Variants in ATXN7 observed in about 807,000 individuals in gnomAD.
The protein encoded by ATXN7 is ataxin 7, also known as ataxin-7.
Under a neutral mutation model 70.5 loss-of-function variants are expected in ATXN7, and 12 were observed. The observed-to-expected ratio is 0.17, with a 90% CI of 0.11 to 0.28. ATXN7 has a LOEUF of 0.28. Ranked by LOEUF, ATXN7 falls within the 10% of genes least tolerant of loss-of-function variation. The pLI is 1.00. For missense variants in ATXN7, 1,256 were observed against 1,131.7 expected (o/e 1.11, Z -1.58); for synonymous variants, 498 against 448.7 (o/e 1.11, Z -1.39).
chr3:63,950,507 A>G (rs2074935733), intron 4 of ATXN7, among the ~76,000 whole-genome samples: 2 of 152,202 alleles, frequency 1.3e-5, no homozygotes, highest in Non-Finnish European at 2.9e-5. Context: ...TTCATTTGAT[A>G]TCTATCTCAC....
intron 5 of ATXN7, among the ~76,000 whole-genome samples, chr3:63,979,130 A>C (rs141299615): frequency 6.6e-6 from 1 of 152,252 alleles, no homozygotes; most frequent in Non-Finnish European, 1.5e-5. Flanking sequence ...ACCTTACTCT[A>C]AGAAAACCTG....
intron 1 of ATXN7, among the ~76,000 whole-genome samples, chr3:63,876,771 G>A (rs1275868547): frequency 2.0e-5 from 3 of 152,160 alleles, no homozygotes; most frequent in Non-Finnish European, 4.4e-5. Flanking sequence ...GTATTAATCA[G>A]CTGTAGACTG....
chr3:63,977,300 GA>G (rs1270034540), intron 5 of ATXN7, among the ~76,000 whole-genome samples: 8 of 152,184 alleles, frequency 5.3e-5, no homozygotes, highest in Non-Finnish European at 1.0e-4. Flanking sequence ...CTTCATAGCA[GA>G]ACTGAGGGTA....
At chr3:63,994,558 C>T (rs771293076) in intron 11 of ATXN7, among the ~76,000 whole-genome samples, 4 of 152,158 alleles carry the variant, frequency 2.6e-5, no homozygotes, top group Non-Finnish European at 5.9e-5. Context: ...AAAGCATTTG[C>T]AAATACTTGC....
intron 9 of ATXN7, chr3:63,988,561 A>G: frequency 1.9e-6 from 1 of 515,230 alleles, no homozygotes; most frequent in Non-Finnish European, 3.3e-6. Context: ...TATCTGCTCT[A>G]TACTTGCTGA....
At chr3:63,990,953 T>TA (rs750609423) in intron 11 of ATXN7, 94 bp downstream of exon 11, 4 of 1,583,730 alleles carry the variant, frequency 2.5e-6, no homozygotes, top group Non-Finnish European at 3.5e-6. Context: ...AAGATATGCT[T>TA]ATCTAAACAA....
At chr3:63,928,748 T>A (rs544232543) in intron 4 of ATXN7, among the ~76,000 whole-genome samples, 1 of 152,354 alleles carries the variant, frequency 6.6e-6, no homozygotes, top group Admixed American at 6.5e-5. Flanking sequence ...ATTTATCAAT[T>A]CAGCAGTGGC....
chr3:63,959,223 A>G (rs929477630), intron 5 of ATXN7, among the ~76,000 whole-genome samples: 6 of 152,194 alleles, frequency 3.9e-5, no homozygotes, highest in Admixed American at 6.5e-5. Context: ...TAGCTTCTTT[A>G]GAGAATTGGC....
At chr3:63,943,104 G>T (rs181894223) in intron 4 of ATXN7, among the ~76,000 whole-genome samples, 11 of 152,294 alleles carry the variant, frequency 7.2e-5, no homozygotes, top group Non-Finnish European at 1.6e-4. Flanking sequence ...AGCCACAGGG[G>T]CCTGCCTTAA....
At chr3:63,919,116 A>G (rs1418572957) in intron 4 of ATXN7, among the ~76,000 whole-genome samples, 2 of 152,170 alleles carry the variant, frequency 1.3e-5, no homozygotes, top group Admixed American at 1.3e-4. Flanking sequence ...TTTGCATTGC[A>G]TTGGTTGGAA....
At chr3:63,924,555 G>C (rs62252363) in intron 4 of ATXN7, among the ~76,000 whole-genome samples, 1 of 152,194 alleles carries the variant, frequency 6.6e-6, no homozygotes, top group Non-Finnish European at 1.5e-5. Context: ...AAGGAAACCA[G>C]ATGAGTGTGA....
At chr3:63,988,576 C>A in intron 9 of ATXN7, 1 of 464,862 alleles carries the variant, frequency 2.2e-6, no homozygotes, top group Non-Finnish European at 3.8e-6. Flanking sequence ...TGCTGAACAT[C>A]AAGTGTCTCA....
In ATXN7 at chr3:63,996,212, G is replaced by C. The variant is rs746330899; in HGVS notation, c.2390G>C (p.Ser797Thr). 1.6e-5 allele frequency: 26 copies of C among 1,614,090 alleles called. No homozygotes were observed. The African/African-American group carries it at 2.5e-4, about 16-fold the overall frequency. The change falls in exon 12 of 13, where the codon AGC becomes ACC. Residue 797 changes from serine (S) to threonine (T), a missense_variant. Ser to Thr is a moderately conservative substitution (Grantham distance 58, BLOSUM62 1). Transcript: ENST00000674280. ...AAGAGGATGAGTGTGATGGTGAACAGCAGTGATTCTACTCTTTCTCTTGGG... is the reference window on the plus strand; with the variant it reads ...AAGAGGATGAGTGTGATGGTGAACACCAGTGATTCTACTCTTTCTCTTGGG... Reference protein sequence around the residue: ...SIKRMSVMVNSSDSTLSLGPF... With the variant: ...SIKRMSVMVNTSDSTLSLGPF...
At chr3:63,965,162 C>G (rs1291535176) in intron 5 of ATXN7, among the ~76,000 whole-genome samples, 1 of 152,164 alleles carries the variant, frequency 6.6e-6, no homozygotes, top group Non-Finnish European at 1.5e-5. Flanking sequence ...CTGTTTAACT[C>G]CTCTATCATC....
chr3:63,976,400 G>T (rs924547555), intron 5 of ATXN7, among the ~76,000 whole-genome samples: 1 of 152,122 alleles, frequency 6.6e-6, no homozygotes, highest in Non-Finnish European at 1.5e-5. Context: ...CAGAATCTCA[G>T]TTACTTACAC....
chr3:63,920,238 A>G (rs1429498602), intron 4 of ATXN7, among the ~76,000 whole-genome samples: 1 of 152,148 alleles, frequency 6.6e-6, no homozygotes. Context: ...TGGGGTTCCC[A>G]AGCTGTGTCC....
intron 4 of ATXN7, among the ~76,000 whole-genome samples, chr3:63,921,429 A>G (rs751503400): frequency 1.8e-4 from 28 of 152,208 alleles, no homozygotes; most frequent in Non-Finnish European, 3.2e-4. Flanking sequence ...GGCAATTTAT[A>G]TGTACTTCCC....
chr3:63,952,835 C>CTTTTTTTTTTTTTTTTTTTTTTTTTTTT lies in ATXN7; in HGVS notation c.499+356_499+383dup, dbSNP rs59256288. Among the ~76,000 whole-genome samples the CTTTTTTTTTTTTTTTTTTTTTTTTTTTT allele has an allele frequency of 1.2e-4, 6 of 49,164 alleles. 1 individual carries two copies. The highest frequency in any genetic ancestry group is 3.1e-4 in the African/African-American group (3 of 9,806). The allele number at this position is 49,164 out of a possible 152,430, so 32.3% of individuals were successfully genotyped here. On this transcript the variant is annotated intron_variant, in intron 5 of 12. Transcript: ENST00000674280. Reference sequence around the variant, plus strand: ...ACACTCACAATATGGATGCATGGGCCTTTTTTTTTTTTTTTTTTTTTTTTT... The same window carrying CTTTTTTTTTTTTTTTTTTTTTTTTTTTT: ...ACACTCACAATATGGATGCATGGGCCTTTTTTTTTTTTTTTTTTTTTTTTTTTTTTTTTTTTTTTTTTTTTTTTTTTTT...
chr3:63,940,212 C>G (rs983860402), intron 4 of ATXN7, among the ~76,000 whole-genome samples: 31 of 151,608 alleles, frequency 2.0e-4, no homozygotes, highest in Admixed American at 6.6e-5. Flanking sequence ...AACCTGGAGG[C>G]TGTATACAAG....
Sources: allele counts gnomAD v4.1 joint callset (sites outside exome capture counted in the v4.1 genomes callset), GRCh38; gene constraint gnomAD v4.1.1; transcripts MANE v1.5; gene names NCBI Gene and HGNC (gene_info 2026-07-23, HGNC 2026-07-21).